Variants in MDGA2 observed in about 807,000 individuals in gnomAD.
The protein encoded by MDGA2 is MAM domain-containing glycosylphosphatidylinositol anchor protein 2.
A neutral mutation model predicts 117.8 loss-of-function variants in MDGA2; 40 were observed. The observed-to-expected ratio is 0.34, with a 90% CI of 0.26 to 0.44. The LOEUF is 0.44. Ranked by LOEUF, MDGA2 falls within the 20% of genes least tolerant of loss-of-function variation. MDGA2 has a pLI of 1.00. For synonymous variants in MDGA2, 452 were observed against 439.0 expected (o/e 1.03, Z -0.37); for missense variants, 1,123 against 1,250.6 (o/e 0.90, Z 1.54).
At chr14:47,644,819 A>C (rs1184939740) in intron 1 of MDGA2, among the ~76,000 whole-genome samples, 1 of 152,104 alleles carries the variant, frequency 6.6e-6, no homozygotes, top group Admixed American at 6.5e-5. Context: ...CTACTCCATA[A>C]ATTTATGCAA....
intron 1 of MDGA2, among the ~76,000 whole-genome samples, chr14:47,604,502 C>G (rs1361803714): frequency 2.4e-5 from 3 of 126,824 alleles, no homozygotes; most frequent in Non-Finnish European, 5.0e-5. Flanking sequence ...CCCCCACCCT[C>G]ACCCCCCTAT....
intron 1 of MDGA2, among the ~76,000 whole-genome samples, chr14:47,436,936 T>A (rs1182720222): frequency 6.6e-6 from 1 of 152,110 alleles, no homozygotes; most frequent in Non-Finnish European, 1.5e-5. Context: ...TGTGTGTTCA[T>A]CAAAGTTGTA....
intron 2 of MDGA2, among the ~76,000 whole-genome samples, chr14:47,286,570 T>A (rs558325180): frequency 1.1e-3 from 173 of 152,028 alleles, no homozygotes; most frequent in African/African-American, 4.0e-3. Context: ...TCATTCTTTT[T>A]TGTGTGGTGG....
intron 7 of MDGA2, among the ~76,000 whole-genome samples, chr14:47,050,619 T>G (rs998305990): frequency 6.6e-6 from 1 of 152,022 alleles, no homozygotes; most frequent in Non-Finnish European, 1.5e-5. Flanking sequence ...GCTGTTAATA[T>G]AATGCTACTC....
In MDGA2 at chr14:47,412,359, G is replaced by T. The variant is rs1303154942; in HGVS notation, c.281-110809C>A. Among the ~76,000 whole-genome samples, 5 of 152,086 alleles carry T rather than the reference G, an allele frequency of 3.3e-5. No homozygotes were observed. In the South Asian group the frequency reaches 1.0e-3, roughly 32 times the overall value. ...GCAGCTGTGCTCACAGCTCACTGCA[G>T]CCTCCAACTTCTCCTGGGCTCAAGC... On this transcript the variant is annotated intron_variant, in intron 1 of 16. Transcript: ENST00000399232.
intron 14 of MDGA2, among the ~76,000 whole-genome samples, chr14:46,873,107 G>A (rs891484715): frequency 3.3e-5 from 5 of 151,880 alleles, no homozygotes; most frequent in East Asian, 3.9e-4. Context: ...AGTCACTGTC[G>A]AAGCATGTTT....
intron 10 of MDGA2, among the ~76,000 whole-genome samples, chr14:46,903,402 G>A (rs1488465927): frequency 1.3e-5 from 2 of 152,144 alleles, no homozygotes; most frequent in Non-Finnish European, 2.9e-5. Flanking sequence ...AGGTCAGAAT[G>A]TAAGAATGAC....
chr14:46,876,052 C>T (rs1225135618), intron 12 of MDGA2, among the ~76,000 whole-genome samples: 1 of 151,374 alleles, frequency 6.6e-6, no homozygotes, highest in Admixed American at 6.6e-5. Flanking sequence ...ATGAAAACTA[C>T]AAAAAATGTC....
At chr14:47,189,476 A>G (rs1885031610) in intron 3 of MDGA2, among the ~76,000 whole-genome samples, 1 of 152,140 alleles carries the variant, frequency 6.6e-6, no homozygotes, top group Non-Finnish European at 1.5e-5. Flanking sequence ...AATATTATTT[A>G]TGGCAACCAC....
chr14:47,318,930 C>T (rs1468411815), intron 1 of MDGA2, among the ~76,000 whole-genome samples: 3 of 152,156 alleles, frequency 2.0e-5, no homozygotes, highest in Non-Finnish European at 4.4e-5. Context: ...CTTTTCCTAA[C>T]TGATTGTCAC....
At chr14:47,081,363 T>C (rs2138891406) in intron 6 of MDGA2, among the ~76,000 whole-genome samples, 2 of 152,242 alleles carry the variant, frequency 1.3e-5, no homozygotes, top group Middle Eastern at 6.8e-3. Context: ...ATCAAGATTA[T>C]AAAAATCAAA....
chr14:46,929,579 A>ATGTGTGTGTGTGTGTGTGTG, intron 9 of MDGA2, among the ~76,000 whole-genome samples: 1 of 37,680 alleles, frequency 2.7e-5, no homozygotes, highest in African/African-American at 1.2e-4. Flanking sequence ...AAGTATATAT[A>ATGTGTGTGTGTGTGTGTGTG]CGTGTGTGTG....
At chr14:47,275,679 A>G (rs1888289183) in intron 2 of MDGA2, among the ~76,000 whole-genome samples, 1 of 152,144 alleles carries the variant, frequency 6.6e-6, no homozygotes, top group Admixed American at 6.6e-5. Flanking sequence ...TATAGCACTC[A>G]TGTTAATATT....
rs1889282123 is a variant in MDGA2 at position 47,301,481 on chromosome 14, C to T, written c.350G>A (p.Arg117Lys). 6.4e-7 allele frequency: 1 copy of T among 1,551,704 alleles called. No homozygotes were observed. The highest frequency in any genetic ancestry group is 8.7e-7 in the Non-Finnish European group (1 of 1,146,992). Residue 117 changes from arginine (R) to lysine (K), a missense_variant, in exon 2 of 17, where the codon AGG (arginine) becomes AAG (lysine). Transcript: ENST00000399232. ...CNIEEERYSE[R>K]VYTIREGETL... is the part of the protein sequence containing the mutation. ...TTCTCCTTCCCGGATAGTGTAGACC[C>T]TTTCGGAGTAGCGCTCCTCTTCAAT...
chr14:47,616,935 A>T (rs1237862356), intron 1 of MDGA2, among the ~76,000 whole-genome samples: 2 of 152,200 alleles, frequency 1.3e-5, no homozygotes, highest in African/African-American at 4.8e-5. Context: ...TACTAGCCTC[A>T]TATCAAGTGC....
At chr14:46,928,358 G>C (rs1485654128) in intron 9 of MDGA2, among the ~76,000 whole-genome samples, 1 of 152,064 alleles carries the variant, frequency 6.6e-6, no homozygotes, top group Non-Finnish European at 1.5e-5. Flanking sequence ...AAGCTTTATG[G>C]AATTTATGGC....
intron 1 of MDGA2, among the ~76,000 whole-genome samples, chr14:47,480,973 T>C (rs1893942509): frequency 6.6e-6 from 1 of 151,934 alleles, no homozygotes; most frequent in Non-Finnish European, 1.5e-5. Flanking sequence ...TGTACGAGAG[T>C]AGAAATGGAT....
chr14:47,208,518 C>G (rs1885767346), intron 3 of MDGA2, among the ~76,000 whole-genome samples: 1 of 134,774 alleles, frequency 7.4e-6, no homozygotes, highest in African/African-American at 2.8e-5. Context: ...AATTATATTC[C>G]TTCTCTAAAC....
intron 8 of MDGA2, among the ~76,000 whole-genome samples, chr14:47,021,135 T>A (rs956425450): frequency 6.6e-6 from 1 of 152,206 alleles, no homozygotes; most frequent in African/African-American, 2.4e-5. Context: ...ATTTTTTTCT[T>A]TGTATTTGTG....
Sources: gnomAD v4.1 joint callset for allele counts (sites outside exome capture counted in the v4.1 genomes callset) on GRCh38, gnomAD v4.1.1 for gene constraint, MANE v1.5 for transcripts, NCBI Gene and HGNC (gene_info 2026-07-23, HGNC 2026-07-21) for gene names.